Variants in GPC5 observed in about 807,000 individuals in gnomAD.
GPC5 encodes glypican 5.
In GPC5, 47 loss-of-function variants were observed where a neutral mutation model predicts 53.9. The ratio of observed to expected loss-of-function variants is 0.87; its 90% confidence interval spans 0.69 to 1.11. The LOEUF is 1.11. Ranked by LOEUF, GPC5 falls within the 50% of genes most tolerant of loss-of-function variation. The pLI is 0.00. For synonymous variants in GPC5, 286 were observed against 263.3 expected (o/e 1.09, Z -0.84); for missense variants, 748 against 713.1 (o/e 1.05, Z -0.56).
rs182139224 is a variant in GPC5 at position 92,630,646 on chromosome 13, C to A, written c.1562-235636C>A. Among the ~76,000 whole-genome samples, 251 of 152,232 alleles carry A rather than the reference C, an allele frequency of 1.6e-3. 1 individual carries two copies. The highest frequency in any genetic ancestry group is 5.8e-3 in the African/African-American group (240 of 41,556). ...CCATGGCACGTGTATACCTATGTAA[C>A]AAACCTGCATGTTCTGCACATGTAT... On this transcript the variant is annotated intron_variant, in intron 7 of 7. Coordinates refer to ENST00000377067, the MANE Select transcript of GPC5 (RefSeq NM_004466.6).
chr13:92,629,917 T>G (rs1885179477), intron 7 of GPC5, among the ~76,000 whole-genome samples: 1 of 152,306 alleles, frequency 6.6e-6, no homozygotes, highest in Non-Finnish European at 1.5e-5. Context: ...TGACAGGTCC[T>G]AAAGGAAGCC....
At chr13:92,291,635 T>A (rs1164982721) in intron 7 of GPC5, among the ~76,000 whole-genome samples, 1 of 152,126 alleles carries the variant, frequency 6.6e-6, no homozygotes, top group Non-Finnish European at 1.5e-5. Context: ...GAGCCAGCAG[T>A]GGCAACCCGC....
Position 92,302,600 on chromosome 13 carries a change from G to T in GPC5, c.1561+157611G>T, listed in dbSNP as rs77144641. ...GTAGTTTATGAGAAAAGTCTATTAA[G>T]CTTATCATGATATAATAACATCTGT... On this transcript the variant is annotated intron_variant, in intron 7 of 7. Coordinates refer to ENST00000377067, the MANE Select transcript of GPC5 (RefSeq NM_004466.6). Among the ~76,000 whole-genome samples the T allele has an allele frequency of 4.7e-3, 714 of 152,196 alleles. 7 individuals carry two copies. Among genetic ancestry groups the T allele is most frequent in the African/African-American group, 0.016 (680 of 41,522 alleles).
chr13:92,018,426 T>C (rs926141789), intron 6 of GPC5, among the ~76,000 whole-genome samples: 4 of 152,148 alleles, frequency 2.6e-5, no homozygotes, highest in Admixed American at 6.6e-5. Context: ...GGAAATCTAA[T>C]ATTATCCCAT....
intron 7 of GPC5, among the ~76,000 whole-genome samples, chr13:92,327,140 C>A (rs971874423): frequency 2.0e-5 from 3 of 152,104 alleles, no homozygotes; most frequent in African/African-American, 7.2e-5. Flanking sequence ...ACTTCAGGGA[C>A]CAAGACCTGT....
chr13:92,285,991 C>T (rs896490007), intron 7 of GPC5, among the ~76,000 whole-genome samples: 6 of 152,016 alleles, frequency 3.9e-5, no homozygotes, highest in African/African-American at 1.2e-4. Flanking sequence ...GCTATCTACT[C>T]ATCTGACAAA....
At chr13:91,977,617 G>C (rs1030011525) in intron 6 of GPC5, among the ~76,000 whole-genome samples, 1 of 152,032 alleles carries the variant, frequency 6.6e-6, no homozygotes, top group African/African-American at 2.4e-5. Context: ...TGCAAAAAAG[G>C]GCATTCTAAA....
At chr13:92,793,403 T>A (rs1876539201) in intron 7 of GPC5, among the ~76,000 whole-genome samples, 1 of 152,128 alleles carries the variant, frequency 6.6e-6, no homozygotes, top group Non-Finnish European at 1.5e-5. Flanking sequence ...CAGGGACATT[T>A]ATAGCACTAA....
intron 2 of GPC5, among the ~76,000 whole-genome samples, chr13:91,638,927 C>T (rs1296096298): frequency 6.6e-6 from 1 of 152,102 alleles, no homozygotes; most frequent in Non-Finnish European, 1.5e-5. Flanking sequence ...TGAATTTGAA[C>T]TCTTTTCTTA....
intron 1 of GPC5, among the ~76,000 whole-genome samples, chr13:91,422,528 C>A (rs1367321368): frequency 2.6e-5 from 4 of 152,006 alleles, no homozygotes; most frequent in Non-Finnish European, 4.4e-5. Context: ...CCCAGCTATT[C>A]TGGAGGCTGA....
intron 6 of GPC5, among the ~76,000 whole-genome samples, chr13:91,989,321 T>C (rs1185163198): frequency 1.3e-5 from 2 of 152,262 alleles, no homozygotes; most frequent in African/African-American, 4.8e-5. Context: ...AAATCCCATA[T>C]GATTCCCATT....
At chr13:92,539,854 T>A in intron 7 of GPC5, among the ~76,000 whole-genome samples, 1 of 152,042 alleles carries the variant, frequency 6.6e-6, no homozygotes, top group East Asian at 1.9e-4. Flanking sequence ...GGGCTAGTAA[T>A]TCTTTGCCAC....
intron 6 of GPC5, among the ~76,000 whole-genome samples, chr13:91,927,043 G>A (rs1454924888): frequency 9.2e-5 from 14 of 152,148 alleles, no homozygotes; most frequent in Admixed American, 2.0e-4. Context: ...TAATGCTTGC[G>A]GTATTGTTAA....
chr13:91,824,014 A>C (rs927344940), intron 5 of GPC5, among the ~76,000 whole-genome samples: 1 of 152,082 alleles, frequency 6.6e-6, no homozygotes, highest in African/African-American at 2.4e-5. Context: ...ACTGCTTGAA[A>C]TCATGGGCCA....
At chr13:91,588,503 C>G (rs919065846) in intron 2 of GPC5, among the ~76,000 whole-genome samples, 1 of 151,960 alleles carries the variant, frequency 6.6e-6, no homozygotes, top group African/African-American at 2.4e-5. Flanking sequence ...AGGAGATAAT[C>G]CTAAACAATT....
intron 7 of GPC5, chr13:92,709,610 G>A (rs1186463824): frequency 6.6e-6 from 1 of 152,150 alleles, no homozygotes; most frequent in African/African-American, 2.4e-5. Flanking sequence ...CAGGAGGGGA[G>A]ACATGGGTGC....
intron 5 of GPC5, among the ~76,000 whole-genome samples, chr13:91,802,255 G>A (rs970964774): frequency 2.6e-5 from 4 of 151,968 alleles, no homozygotes; most frequent in African/African-American, 7.3e-5. Context: ...CCTCTGGTGG[G>A]TTCGTGGTCT....
chr13:92,306,220 C>A (rs1447070532), intron 7 of GPC5, among the ~76,000 whole-genome samples: 1 of 152,156 alleles, frequency 6.6e-6, no homozygotes, highest in East Asian at 1.9e-4. Flanking sequence ...AAAATGAAAT[C>A]TTGTGTGAAT....
chr13:91,650,223 C>T (rs898124214), intron 2 of GPC5, among the ~76,000 whole-genome samples: 1 of 152,018 alleles, frequency 6.6e-6, no homozygotes, highest in African/African-American at 2.4e-5. Flanking sequence ...AGATATAGTA[C>T]TAATATATTA....
Sources: gnomAD v4.1 joint callset for allele counts (sites outside exome capture counted in the v4.1 genomes callset) on GRCh38, gnomAD v4.1.1 for gene constraint, MANE v1.5 for transcripts, NCBI Gene and HGNC (gene_info 2026-07-23, HGNC 2026-07-21) for gene names.